Variants in PKP4 observed in about 807,000 individuals in gnomAD.
PKP4 encodes the protein plakophilin 4.
In PKP4, 90 loss-of-function variants were observed where a neutral mutation model predicts 145.1. The ratio of observed to expected loss-of-function variants is 0.62; its 90% CI spans 0.52 to 0.74. The LOEUF is 0.74. Among genes scored for constraint, PKP4 ranks in the 30% least tolerant of loss-of-function variants. The pLI, the probability that PKP4 is intolerant of heterozygous loss-of-function variation, is 0.00. For synonymous variants in PKP4, 563 were observed against 577.2 expected (o/e 0.98, Z 0.35); for missense variants, 1,340 against 1,482.7 (o/e 0.90, Z 1.58).
At chr2:158,507,158 T>C (rs2041058448) in intron 1 of PKP4, among the ~76,000 whole-genome samples, 2 of 152,216 alleles carry the variant, frequency 1.3e-5, no homozygotes, top group South Asian at 4.1e-4. Context: ...ACCTCTCTCT[T>C]GCTCCATATA....
At chr2:158,657,298 A>G (rs945393123) in intron 11 of PKP4, among the ~76,000 whole-genome samples, 1 of 152,216 alleles carries the variant, frequency 6.6e-6, no homozygotes, top group Non-Finnish European at 1.5e-5. Context: ...GTGCTATGAT[A>G]ATAATTTTAG....
chr2:158,458,437 A>T (rs1005265402), intron 1 of PKP4: 27 of 152,296 alleles, frequency 1.8e-4, no homozygotes, highest in African/African-American at 6.5e-4. Context: ...AGGACCGTGA[A>T]TTTGGGGCCG....
intron 2 of PKP4, among the ~76,000 whole-genome samples, chr2:158,572,311 C>T (rs547223120): frequency 8.2e-4 from 125 of 152,242 alleles, no homozygotes; most frequent in Non-Finnish European, 1.3e-3. Flanking sequence ...ACTGTAGATT[C>T]GGTATTCTAA....
intron 17 of PKP4, among the ~76,000 whole-genome samples, chr2:158,671,947 C>T (rs7600391): frequency 0.064 from 9,777 of 152,172 alleles, 753 homozygotes; most frequent in African/African-American, 0.18. Context: ...AAGAGCATTT[C>T]GGTTAGAGGG....
At chr2:158,643,731 A>AAAGAAAACAAG (rs1292719599) in intron 11 of PKP4, among the ~76,000 whole-genome samples, 1 of 151,232 alleles carries the variant, frequency 6.6e-6, no homozygotes, top group East Asian at 1.9e-4. Flanking sequence ...AAAAAAAAGA[A>AAAGAAAACAAG]AAGAAAACAA....
intron 1 of PKP4, among the ~76,000 whole-genome samples, chr2:158,532,480 G>T (rs138620966): frequency 1.3e-5 from 2 of 152,258 alleles, no homozygotes; most frequent in East Asian, 3.9e-4. Context: ...ATGTGTAAAT[G>T]AGTTATTAAA....
At chr2:158,500,215 T>C (rs1021810867) in intron 1 of PKP4, among the ~76,000 whole-genome samples, 2 of 152,198 alleles carry the variant, frequency 1.3e-5, no homozygotes, top group African/African-American at 4.8e-5. Flanking sequence ...CTAACCACAG[T>C]GCATCACATA....
chr2:158,579,740 C>G (rs1431124105), intron 3 of PKP4, among the ~76,000 whole-genome samples: 2 of 152,054 alleles, frequency 1.3e-5, no homozygotes, highest in Admixed American at 6.6e-5. Context: ...AATGAAATAA[C>G]TAGATCTACA....
chr2:158,530,992 G>T (rs1163636582), intron 1 of PKP4, among the ~76,000 whole-genome samples: 4 of 152,064 alleles, frequency 2.6e-5, no homozygotes, highest in Admixed American at 6.6e-5. Context: ...ACTCTGCCTT[G>T]ATCCTATGTT....
chr2:158,596,903 C>G (rs1424231603), intron 3 of PKP4, among the ~76,000 whole-genome samples: 2 of 152,198 alleles, frequency 1.3e-5, no homozygotes, highest in Non-Finnish European at 2.9e-5. Context: ...ATATTCCATA[C>G]CTGTCTCACT....
intron 1 of PKP4, among the ~76,000 whole-genome samples, chr2:158,519,061 A>G (rs1051384558): frequency 6.6e-6 from 1 of 151,302 alleles, no homozygotes; most frequent in African/African-American, 2.4e-5. Flanking sequence ...TCTCTTTTCC[A>G]AGAACTTGGA....
intron 1 of PKP4, among the ~76,000 whole-genome samples, chr2:158,513,572 G>A (rs6731950): frequency 0.87 from 132,912 of 152,100 alleles, 58,360 homozygotes; most frequent in Middle Eastern, 0.93. Flanking sequence ...TTTTCCTCAC[G>A]GTTGCTTCCT....
intron 1 of PKP4, among the ~76,000 whole-genome samples, chr2:158,510,549 T>C (rs192514714): frequency 1.3e-5 from 2 of 152,372 alleles, no homozygotes; most frequent in African/African-American, 4.8e-5. Flanking sequence ...CATTAATGAA[T>C]GTCTTCTTAA....
intron 2 of PKP4, among the ~76,000 whole-genome samples, chr2:158,573,074 GA>G (rs1298390991): frequency 6.6e-6 from 1 of 152,180 alleles, no homozygotes; most frequent in Non-Finnish European, 1.5e-5. Context: ...TTATTTTACA[GA>G]ATGTTTATGA....
Position 158,520,524 on chromosome 2 carries a change from C to A in PKP4, c.-5-12656C>A, listed in dbSNP as rs77030505. Among the ~76,000 whole-genome samples, 1,101 of 152,264 alleles carry A rather than the reference C, an allele frequency of 7.2e-3. 13 individuals carry two copies. The highest frequency in any genetic ancestry group is 0.025 in the African/African-American group (1,049 of 41,546). Reference sequence around the variant, plus strand: ...TCTAAATTATTTGATTTATAAACTTCGTCTAATACTGTATCATGTTTATTC... The same window carrying A: ...TCTAAATTATTTGATTTATAAACTTAGTCTAATACTGTATCATGTTTATTC... On this transcript the variant is annotated intron_variant, in intron 1 of 21. Transcript: ENST00000389759.
chr2:158,475,463 A>G (rs989637683), intron 1 of PKP4, among the ~76,000 whole-genome samples: 3 of 152,176 alleles, frequency 2.0e-5, no homozygotes, highest in Non-Finnish European at 4.4e-5. Context: ...TGTTCTCAGT[A>G]GGTAGGAACA....
intron 20 of PKP4, chr2:158,677,442 G>A (rs1248934580): frequency 5.9e-6 from 1 of 169,700 alleles, no homozygotes; most frequent in East Asian, 1.5e-4. Flanking sequence ...AGAAAGCTGT[G>A]CATACAATTT....
chr2:158,520,830 G>C (rs1382518248), intron 1 of PKP4, among the ~76,000 whole-genome samples: 1 of 152,194 alleles, frequency 6.6e-6, no homozygotes, highest in Non-Finnish European at 1.5e-5. Flanking sequence ...TACATAAATG[G>C]AATCCCACTG....
chr2:158,660,221 G>T (rs59264445), intron 12 of PKP4: 1 of 152,652 alleles, frequency 6.6e-6, no homozygotes, highest in Non-Finnish European at 1.5e-5. Context: ...CTAATTAGCT[G>T]TCTATGTGCC....
Sources: gnomAD v4.1 joint callset for allele counts (sites outside exome capture counted in the v4.1 genomes callset) on GRCh38, gnomAD v4.1.1 for gene constraint, MANE v1.5 for transcripts, NCBI Gene and HGNC (gene_info 2026-07-23, HGNC 2026-07-21) for gene names.